TRPV4: variants seen among roughly 807,000 people sequenced by gnomAD.
The protein encoded by TRPV4 is OSM9-like transient receptor potential channel 4.
TRPV4 carries 58 observed loss-of-function variants against 84.1 expected under a neutral mutation model. That is an observed-to-expected ratio of 0.69 (90% CI 0.56 to 0.86). The LOEUF is 0.86. Ranked by LOEUF, TRPV4 falls within the 40% of genes least tolerant of loss-of-function variation. The pLI is 0.00. For missense variants in TRPV4, 879 were observed against 1,181.1 expected, an observed-to-expected ratio of 0.74 and a Z score of 3.75; for synonymous variants, 489 against 500.9, an observed-to-expected ratio of 0.98 and a Z score of 0.32.
chr12:109,814,659 G>A lies in TRPV4; in HGVS notation c.138C>T (p.Ser46=). 6.2e-7 allele frequency: 1 copy of A among 1,613,452 alleles called. No individual in the cohort carries two copies. ...TGGCATCAGCCGGTGAGGGCGAAAG[G>A]GAGCCATCCTCCCCCTCAAACAGAT... ...LANLFEGEDG[S]LSPSPADASR... Residue 46 remains serine (S), a synonymous_variant, in exon 2 of 16, where the codon TCC becomes TCT. Transcript: ENST00000261740. This position sits in a 1 kb window ranked among gnomAD's most constrained non-coding sequence, Gnocchi z 5.4.
In TRPV4 at chr12:109,798,853, T is replaced by G; in HGVS notation, c.913A>C (p.Thr305Pro). 1 of 1,613,974 alleles carries G rather than the reference T, an allele frequency of 6.2e-7. No individual in the cohort carries two copies. The highest frequency in any genetic ancestry group is 1.7e-5 in the Admixed American group (1 of 60,018). ...TNQPHIVNYLTENPHKKADMR... is the reference protein window; with the variant it reads ...TNQPHIVNYLPENPHKKADMR... ...TCCGCCTTCTTGTGGGGGTTCTCCG[T>G]CAGGTAGTTGACAATGTGGGGCTGG... is the stretch of plus-strand genomic sequence containing the variant. The change falls in exon 6 of 16, where the codon ACG (threonine) becomes CCG (proline). Residue 305 changes from threonine to proline, a missense_variant. Coordinates refer to ENST00000261740, the MANE Select transcript of TRPV4 (RefSeq NM_021625.5). This position sits in a 1 kb window ranked among gnomAD's most constrained non-coding sequence, Gnocchi z 5.0.
At chr12:109,831,410 T>C (rs1421727620) in intron 1 of TRPV4, among the ~76,000 whole-genome samples, 2 of 152,224 alleles carry the variant, frequency 1.3e-5, no homozygotes, top group Admixed American at 6.5e-5. Flanking sequence ...CGGCCATCCA[T>C]GCACACCTTG....
intron 12 of TRPV4, among the ~76,000 whole-genome samples, chr12:109,789,383 T>C (rs1889897101): frequency 6.6e-6 from 1 of 151,966 alleles, no homozygotes; most frequent in Non-Finnish European, 1.5e-5. Flanking sequence ...TTCTTAGAGG[T>C]CTTGGGGGCT....
At chr12:109,827,897 C>T (rs897504623) in intron 1 of TRPV4, among the ~76,000 whole-genome samples, 12 of 151,932 alleles carry the variant, frequency 7.9e-5, no homozygotes, top group African/African-American at 1.5e-4. Flanking sequence ...GACACACATA[C>T]GCACATACAC....
At chr12:109,810,879 T>C (rs1158354332) in intron 2 of TRPV4, among the ~76,000 whole-genome samples, 1 of 152,026 alleles carries the variant, frequency 6.6e-6, no homozygotes, top group Non-Finnish European at 1.5e-5. Context: ...CCCACCAGCT[T>C]TCAACAGGAC....
At chr12:109,795,305 A>C (rs145105917) in intron 7 of TRPV4, among the ~76,000 whole-genome samples, 1 of 152,238 alleles carries the variant, frequency 6.6e-6, no homozygotes, top group Non-Finnish European at 1.5e-5. Flanking sequence ...CTAATCAATC[A>C]GTTTGCACCT....
chr12:109,793,955 G>T lies in TRPV4; in HGVS notation c.1559C>A (p.Thr520Asn), dbSNP rs2136479390. ...RLAGEVITLFTGVLFFFTNIK... is the reference protein window; with the variant it reads ...RLAGEVITLFNGVLFFFTNIK... ...GTTGGTGAAGAAGAACAGGACCCCA[G>T]TGAAGAGCGTAATGACCTCGCCAGC... Residue 520 changes from threonine to asparagine, a missense_variant, in exon 9 of 16, where the codon ACT becomes AAT. Thr to Asn is a moderately conservative substitution (Grantham distance 65). Around this residue, in one of 4 missense-constraint regions of TRPV4, gnomAD observed 521 missense variants for 686.6 expected, o/e 0.76. Transcript: ENST00000261740. The surrounding 1 kb of genome is among the most constrained non-coding windows in gnomAD (Gnocchi z 4.0). The T allele has an allele frequency of 6.2e-7, 1 of 1,610,658 alleles. No individual in the cohort carries two copies. Among genetic ancestry groups the T allele is most frequent in the Non-Finnish European group, 8.5e-7 (1 of 1,179,190 alleles).
intron 5 of TRPV4, among the ~76,000 whole-genome samples, chr12:109,799,365 T>A (rs1592840233): frequency 6.6e-6 from 1 of 152,122 alleles, no homozygotes; most frequent in African/African-American, 2.4e-5. Context: ...GCCAGGCTGG[T>A]CTCAAACTCC....
intron 1 of TRPV4, among the ~76,000 whole-genome samples, chr12:109,822,404 G>A (rs532531103): frequency 1.6e-4 from 25 of 152,272 alleles, no homozygotes; most frequent in Non-Finnish European, 2.2e-4. Flanking sequence ...CAGTCTTGCC[G>A]GGGACATGTG....
chr12:109,788,319 G>A (rs1311981091), intron 13 of TRPV4, 81 bp downstream of exon 13: 38 of 1,373,212 alleles, frequency 2.8e-5, no homozygotes, highest in Admixed American at 4.0e-5. Context: ...AGAGTGGAAG[G>A]CCGAGGAAGC....
At chr12:109,816,811 T>TAA (rs2136676644) in intron 1 of TRPV4, among the ~76,000 whole-genome samples, 1 of 152,180 alleles carries the variant, frequency 6.6e-6, no homozygotes, top group South Asian at 2.1e-4. Context: ...GCTTAGCCTC[T>TAA]CTGAGCCTCA....
At chr12:109,821,287 G>A (rs969301516) in intron 1 of TRPV4, among the ~76,000 whole-genome samples, 1 of 152,220 alleles carries the variant, frequency 6.6e-6, no homozygotes, top group Admixed American at 6.5e-5. Context: ...ACATAAAAGT[G>A]TGGAACCTCA....
At chr12:109,802,467 A>G (rs1890852397) in intron 4 of TRPV4, among the ~76,000 whole-genome samples, 1 of 150,558 alleles carries the variant, frequency 6.6e-6, no homozygotes, top group Non-Finnish European at 1.5e-5. Context: ...ACGCCTGGCT[A>G]ATTTTTGCAT....
intron 2 of TRPV4, among the ~76,000 whole-genome samples, chr12:109,808,723 C>A (rs1891302928): frequency 6.6e-6 from 1 of 152,108 alleles, no homozygotes; most frequent in Non-Finnish European, 1.5e-5. Context: ...ATCCACCCAT[C>A]CATCCACACA....
At chr12:109,800,832 G>A (rs1345361329) in intron 4 of TRPV4, 74 bp from the exon 5 acceptor site, 1 of 1,491,596 alleles carries the variant, frequency 6.7e-7, no homozygotes, top group East Asian at 2.3e-5. Context: ...GGTGGGGGTA[G>A]GGTGCAGGAC....
At position 109,814,865 on chromosome 12, in the gene TRPV4, C is replaced by T. The variant is rs1169311810; in HGVS notation, c.-31-38G>A. ...GAAAGGGGAGTCAGGCAGAACCCGG[C>T]CAGGGGCGGGGGCTCCAGGAAGCCC... On this transcript the variant is annotated intron_variant, in intron 1 of 15. Coordinates refer to ENST00000261740, the MANE Select transcript of TRPV4 (RefSeq NM_021625.5). The surrounding 1 kb of genome is among the most constrained non-coding windows in gnomAD (Gnocchi z 5.4). 8.5e-6 allele frequency: 13 copies of T among 1,527,206 alleles called. No individual in the cohort carries two copies. The South Asian group carries it at 1.4e-4, about 17-fold the overall frequency. 94.6% of individuals were successfully genotyped at this position (1,527,206 alleles called of 1,614,324 possible).
At position 109,793,442 on chromosome 12, in the gene TRPV4, C is replaced by T. The variant is rs1890165635; in HGVS notation, c.1658+85G>A. The stretch of plus-strand genomic sequence containing the variant: ...TGGGTGCATTCATTTCTAACAGAAT[C>T]ACCTCTCTCCTGAATCTGGACGACC... On this transcript the variant is annotated intron_variant, in intron 10 of 15. Coordinates refer to ENST00000261740, the MANE Select transcript of TRPV4 (RefSeq NM_021625.5). The surrounding 1 kb of genome is among the most constrained non-coding windows in gnomAD (Gnocchi z 4.0). 1.7e-6 allele frequency: 2 copies of T among 1,188,420 alleles called. No homozygotes were observed. The highest frequency in any genetic ancestry group is 2.5e-6 in the Non-Finnish European group (2 of 794,062). The allele number at this position is 1,188,420 out of a possible 1,614,324, so 73.6% of individuals were successfully genotyped here.
At chr12:109,804,162 C>A (rs1025594375) in intron 3 of TRPV4, among the ~76,000 whole-genome samples, 1 of 152,150 alleles carries the variant, frequency 6.6e-6, no homozygotes, top group Non-Finnish European at 1.5e-5. Flanking sequence ...TTGGTACTAG[C>A]GGGTCCTTAA....
rs1336297245 is a variant in TRPV4, at chr12:109,788,298, A to G, written c.2208+102T>C. 4.4e-6 allele frequency: 5 copies of G among 1,136,980 alleles called. No homozygotes were observed. In the African/African-American group the frequency reaches 7.7e-5, roughly 17 times the overall value. The allele number at this position is 1,136,980 out of a possible 1,614,324, so 70.4% of individuals were successfully genotyped here. Reference sequence around the variant, plus strand: ...AGAAGTGGAGGGAGAATGAGAAGACACTGCTTGCTCAGAGTGGAAGGCCGA... The same window carrying G: ...AGAAGTGGAGGGAGAATGAGAAGACGCTGCTTGCTCAGAGTGGAAGGCCGA... On this transcript the variant is annotated intron_variant, in intron 13 of 15. Coordinates refer to ENST00000261740, the MANE Select transcript of TRPV4 (RefSeq NM_021625.5).
Sources: gnomAD v4.1 joint callset for allele counts (sites outside exome capture counted in the v4.1 genomes callset) on GRCh38, gnomAD v4.1.1 for gene constraint, gnomAD v4.1.1 regional missense constraint, Gnocchi (gnomAD v3.1) non-coding constraint, MANE v1.5 for transcripts, NCBI Gene and HGNC (gene_info 2026-07-23, HGNC 2026-07-21) for gene names.